Variants in SEMA4G observed in about 807,000 individuals in gnomAD.
SEMA4G encodes semaphorin 4G.
A neutral mutation model predicts 81.2 loss-of-function variants in SEMA4G; 59 were observed. The ratio of observed to expected loss-of-function variants is 0.73; its 90% CI spans 0.59 to 0.90. SEMA4G has a LOEUF of 0.90. Ranked by LOEUF, SEMA4G falls within the 40% of genes least tolerant of loss-of-function variation. SEMA4G has a pLI of 0.00. For missense variants in SEMA4G, 952 were observed against 1,102.3 expected, an observed-to-expected ratio of 0.86 and a Z score of 1.93; for synonymous variants, 404 against 433.9, an observed-to-expected ratio of 0.93 and a Z score of 0.86.
upstream of SEMA4G, chr10:100,969,609 T>A (rs1400194767): frequency 3.5e-6 from 1 of 284,336 alleles, no homozygotes. Flanking sequence ...AGGCGAGGAG[T>A]GCGGGCGGCG....
chr10:100,984,596 C>T (rs1851330601), exon 14 of SEMA4G: 2 of 1,536,236 alleles, frequency 1.3e-6, no homozygotes, highest in Non-Finnish European at 1.7e-6. Context: ...CACCTAAGCC[C>T]TGCGTACATT....
At chr10:100,975,576 C>T (rs959546299) in intron 3 of SEMA4G, among the ~76,000 whole-genome samples, 9 of 152,196 alleles carry the variant, frequency 5.9e-5, no homozygotes, top group African/African-American at 2.2e-4. Flanking sequence ...TGTAAACATC[C>T]GCTGGGCACG....
At chr10:100,981,360 A>G (rs1026900372) in intron 13 of SEMA4G, 131 bp downstream of exon 14, 17 of 1,608,166 alleles carry the variant, frequency 1.1e-5, no homozygotes, top group Non-Finnish European at 1.4e-5. Context: ...ACTCAAACAC[A>G]GAGCCTGGCA....
At chr10:100,980,405 T>C (rs891266894) in intron 10 of SEMA4G, 61 bp downstream of exon 11, 3 of 1,519,302 alleles carry the variant, frequency 2.0e-6, no homozygotes, top group African/African-American at 2.7e-5. Context: ...TCTGAATCCA[T>C]TAATTCCTGC....
At chr10:100,970,609 G>A (rs1434900759), upstream of SEMA4G, among the ~76,000 whole-genome samples, 1 of 151,876 alleles carries the variant, frequency 6.6e-6, no homozygotes, top group Non-Finnish European at 1.5e-5. Flanking sequence ...TTGAAATTGG[G>A]CCTTAGAATT....
rs751670391 is a variant in SEMA4G, at chr10:100,973,101, T to C, written c.125-28T>C. ...TGGGGGTGGGGAGGCACCCCAGAACTAGGGCTCACTGTTCCTGCTCTCCCC... is the reference window on the plus strand; with the variant it reads ...TGGGGGTGGGGAGGCACCCCAGAACCAGGGCTCACTGTTCCTGCTCTCCCC... On this transcript the variant is annotated intron_variant, in intron 1 of 13. Transcript: ENST00000370250. This position sits in a 1 kb window ranked among gnomAD's most constrained non-coding sequence, Gnocchi z 5.5. The C allele has an allele frequency of 2.4e-5, 38 of 1,613,948 alleles. No individual in the cohort carries two copies. The highest frequency in any genetic ancestry group is 3.1e-5 in the Non-Finnish European group (37 of 1,180,014).
Position 100,972,658 on chromosome 10 carries a change from A to C in SEMA4G, c.-255A>C, listed in dbSNP as rs115583289. The stretch of plus-strand genomic sequence containing the variant: ...GAGTTTGCATTTGATGCAGAAAGGC[A>C]TGTGATCCCTCCCTCCTTCTGACCT... On this transcript the variant is annotated 5_prime_UTR_variant, in exon 1 of 14. The change abolishes an upstream ATG in the 5' untranslated region. Coordinates refer to ENST00000370250, the Ensembl canonical transcript of SEMA4G. 2.3e-3 allele frequency: 1,054 copies of C among 459,232 alleles called. 10 individuals are homozygous for C. Among genetic ancestry groups the C allele is most frequent in the African/African-American group, 0.019 (971 of 50,148 alleles). 28.4% of individuals were successfully genotyped at this position (459,232 alleles called of 1,614,324 possible). A position where few individuals can be genotyped will look rare whatever the true frequency, so the allele number is the denominator to read the frequency against.
intron 9 of SEMA4G, 57 bp from the exon 11 acceptor site, chr10:100,980,065 G>C (rs930121733): frequency 3.7e-6 from 6 of 1,612,964 alleles, no homozygotes; most frequent in Middle Eastern, 1.6e-4. Context: ...TGGCCTTGTG[G>C]AGAGGGCAGG....
chr10:100,977,421 G>A (rs1249492824), intron 3 of SEMA4G, among the ~76,000 whole-genome samples: 1 of 152,190 alleles, frequency 6.6e-6, no homozygotes, highest in Non-Finnish European at 1.5e-5. Flanking sequence ...GTAATCTGAG[G>A]GACAGAGGAG....
Position 100,977,740 on chromosome 10 carries a change from C to G in SEMA4G, c.435+10C>G. ...CCTCTGTGCAGCCATTGTGAGTATACCTGTGTTGTGCCAGATCTCTGTTGA... is the reference window on the plus strand; with the variant it reads ...CCTCTGTGCAGCCATTGTGAGTATAGCTGTGTTGTGCCAGATCTCTGTTGA... On this transcript the variant is annotated intron_variant, in intron 4 of 13. Coordinates refer to ENST00000370250, the Ensembl canonical transcript of SEMA4G. The G allele has an allele frequency of 6.2e-7, 1 of 1,602,864 alleles. No homozygotes were observed. Among genetic ancestry groups the G allele is most frequent in the Non-Finnish European group, 8.5e-7 (1 of 1,169,768 alleles).
At position 100,972,868 on chromosome 10, in the gene SEMA4G, C is replaced by T. The variant is rs752393071; in HGVS notation, c.-45C>T. 5 of 1,573,716 alleles carry T rather than the reference C, an allele frequency of 3.2e-6. 1 individual carries two copies. The South Asian group carries it at 3.5e-5, about 11-fold the overall frequency. ...TTCCCCGCCCCCACAACCTGTGACT[C>T]TGGCTCCCTTTGGGGGTCTTGTTAG... On this transcript the variant is annotated 5_prime_UTR_variant, in exon 1 of 14. Coordinates refer to ENST00000370250, the Ensembl canonical transcript of SEMA4G.
intron 13 of SEMA4G, among the ~76,000 whole-genome samples, chr10:100,982,062 C>A (rs373274242): frequency 1.8e-3 from 227 of 126,720 alleles, no homozygotes; most frequent in Middle Eastern, 7.8e-3. Flanking sequence ...CATCTCATCT[C>A]AAAAAAAAAA....
At position 100,983,748 on chromosome 10, in the gene SEMA4G, T is replaced by C. The variant is rs200288019; in HGVS notation, c.2134T>C (p.Tyr712His). The C allele has an allele frequency of 4.2e-5, 67 of 1,612,958 alleles. No homozygotes were observed. In the East Asian group the frequency reaches 1.5e-3, roughly 36 times the overall value. The change falls in exon 14 of 14, where the codon TAC (tyrosine) becomes CAC (histidine). Residue 712 changes from tyrosine to histidine, a missense_variant. Coordinates refer to ENST00000370250, the Ensembl canonical transcript of SEMA4G. ...AGGCAGACGAGGGCGCCGACGGAAA[T>C]ACTCACTGGGTCGGGCCAGCCGGGC...
downstream of SEMA4G, chr10:100,984,889 T>C: frequency 2.7e-6 from 4 of 1,467,270 alleles, no homozygotes; most frequent in South Asian, 4.1e-5. Flanking sequence ...TTCTCAAGAG[T>C]ATGAGAGACA....
rs141592520 is a variant in SEMA4G, at chr10:100,979,475, C to T, written c.983+204C>T. On this transcript the variant is annotated intron_variant, in intron 8 of 13. Coordinates refer to ENST00000370250, the Ensembl canonical transcript of SEMA4G. ...TCGGCTCACTGCAATCTCCGCCTCC[C>T]GGGTTCAAGTGATTATCCTGCCTCG... The T allele has an allele frequency of 1.3e-3, 1,759 of 1,366,228 alleles. 24 individuals are homozygous for T. In the African/African-American group the frequency reaches 0.022, roughly 17 times the overall value. The allele number at this position is 1,366,228 out of a possible 1,614,324, so 84.6% of individuals were successfully genotyped here.
intron 4 of SEMA4G, 117 bp downstream of exon 5, chr10:100,977,847 G>A (rs1324348143): frequency 1.1e-6 from 1 of 880,982 alleles, no homozygotes; most frequent in Admixed American, 1.9e-5. Context: ...TTATTAAGGG[G>A]ACTTCCATAC....
upstream of SEMA4G, among the ~76,000 whole-genome samples, chr10:100,971,952 C>T (rs1173917294): frequency 6.6e-6 from 1 of 152,172 alleles, no homozygotes; most frequent in Non-Finnish European, 1.5e-5. Context: ...GATAGGGACA[C>T]GTGTGGATGC....
chr10:100,976,788 A>G (rs1850808354), intron 3 of SEMA4G, among the ~76,000 whole-genome samples: 1 of 152,250 alleles, frequency 6.6e-6, no homozygotes, highest in Non-Finnish European at 1.5e-5. Flanking sequence ...TGTTTATAAC[A>G]TACCCCTTTG....
At chr10:100,984,561 G>A in exon 14 of SEMA4G, 2 of 1,536,154 alleles carry the variant, frequency 1.3e-6, no homozygotes, top group African/African-American at 1.4e-5. Flanking sequence ...GGATGGTCCT[G>A]AAACCAGACA....
Sources: allele counts gnomAD v4.1 joint callset (sites outside exome capture counted in the v4.1 genomes callset), GRCh38; gene constraint gnomAD v4.1.1; non-coding constraint Gnocchi (gnomAD v3.1); transcripts MANE v1.5; gene names NCBI Gene and HGNC (gene_info 2026-07-23, HGNC 2026-07-21).